Variants in SAMD4A observed in about 807,000 individuals in gnomAD.
SAMD4A encodes the protein sterile alpha motif domain containing 4A.
A neutral mutation model predicts 81.3 loss-of-function variants in SAMD4A; 33 were observed. That is an observed-to-expected ratio of 0.41 (90% CI 0.31 to 0.54). The LOEUF is 0.54. Ranked by LOEUF, SAMD4A falls within the 20% of genes least tolerant of loss-of-function variation. The probability of loss-of-function intolerance (pLI) is 0.37; values close to 1 mark genes in which losing one functional copy is unlikely to be tolerated. For synonymous variants in SAMD4A, 389 were observed against 382.1 expected, an observed-to-expected ratio of 1.02 and a Z score of -0.21; for missense variants, 854 against 951.1, an observed-to-expected ratio of 0.90 and a Z score of 1.34.
chr14:54,608,659 T>C (rs913639016), intron 2 of SAMD4A, among the ~76,000 whole-genome samples: 1 of 152,228 alleles, frequency 6.6e-6, no homozygotes, highest in Non-Finnish European at 1.5e-5. Context: ...GCCAAATTCT[T>C]TGAGCAATGG....
intron 4 of SAMD4A, among the ~76,000 whole-genome samples, chr14:54,747,983 T>C (rs1403526489): frequency 6.6e-6 from 1 of 152,264 alleles, no homozygotes; most frequent in Non-Finnish European, 1.5e-5. Flanking sequence ...CCTTTACTTT[T>C]CTTAACTTTA....
intron 2 of SAMD4A, 96 bp downstream of exon 2, chr14:54,568,208 C>A: frequency 8.5e-7 from 1 of 1,180,542 alleles, no homozygotes; most frequent in Non-Finnish European, 1.1e-6. Context: ...CCAGTCCCTG[C>A]CAGCCGCGCC....
chr14:54,765,760 T>C (rs2038521924), intron 8 of SAMD4A, among the ~76,000 whole-genome samples: 1 of 152,130 alleles, frequency 6.6e-6, no homozygotes, highest in Non-Finnish European at 1.5e-5. Context: ...TCCACTTCCC[T>C]CTCATGTTCT....
intron 3 of SAMD4A, among the ~76,000 whole-genome samples, chr14:54,722,180 G>A (rs148321043): frequency 1.4e-3 from 216 of 152,246 alleles, no homozygotes; most frequent in African/African-American, 5.0e-3. Flanking sequence ...ATCAATGGTG[G>A]CAGTCCCTCT....
chr14:54,585,270 C>T (rs992061975), intron 2 of SAMD4A, among the ~76,000 whole-genome samples: 1 of 152,208 alleles, frequency 6.6e-6, no homozygotes, highest in Non-Finnish European at 1.5e-5. Context: ...CAAACCCTTA[C>T]ACTTGGACAT....
chr14:54,742,643 A>G (rs886381092), intron 4 of SAMD4A, among the ~76,000 whole-genome samples: 1 of 152,142 alleles, frequency 6.6e-6, no homozygotes, highest in African/African-American at 2.4e-5. Context: ...AGGGGTAGAG[A>G]TTGGCACTCT....
chr14:54,605,850 A>C (rs1252591469), intron 2 of SAMD4A, among the ~76,000 whole-genome samples: 9 of 152,058 alleles, frequency 5.9e-5, no homozygotes, highest in Non-Finnish European at 1.2e-4. Context: ...TGACTTAAAA[A>C]ATTATTTTAC....
rs759198146 is a variant in SAMD4A at position 54,789,103 on chromosome 14, C to T, written c.*159C>T. ...TGATTTTGTGAGAGCGTAGGTCATC[C>T]TCGTAAACATATCAGTAGACCTGGG... On this transcript the variant is annotated 3_prime_UTR_variant, in exon 13 of 13. Coordinates refer to ENST00000554335, the MANE Select transcript of SAMD4A (RefSeq NM_015589.6). 2.1e-5 allele frequency: 16 copies of T among 747,030 alleles called. No homozygotes were observed. Among genetic ancestry groups the T allele is most frequent in the African/African-American group, 3.5e-5 (2 of 57,550 alleles). 46.3% of individuals were successfully genotyped at this position (747,030 alleles called of 1,614,324 possible).
chr14:54,776,015 TAAAAAAAAA>T (rs10539223), intron 10 of SAMD4A, among the ~76,000 whole-genome samples: 28 of 89,840 alleles, frequency 3.1e-4, no homozygotes, highest in African/African-American at 9.7e-4. Flanking sequence ...GTAAGAATCT[TAAAAAAAAA>T]AAAAAAAAAA....
chr14:54,620,415 A>G (rs1354419352), intron 2 of SAMD4A, among the ~76,000 whole-genome samples: 1 of 152,188 alleles, frequency 6.6e-6, no homozygotes, highest in Non-Finnish European at 1.5e-5. Context: ...TCCCCACAGC[A>G]ATGCTGGTAA....
At chr14:54,658,643 A>G (rs1035062288) in intron 2 of SAMD4A, among the ~76,000 whole-genome samples, 12 of 152,262 alleles carry the variant, frequency 7.9e-5, no homozygotes, top group African/African-American at 2.9e-4. Flanking sequence ...AGCCACTGTC[A>G]TTGACTTCTC....
chr14:54,732,608 A>G (rs1157663438), intron 3 of SAMD4A, among the ~76,000 whole-genome samples: 9 of 152,174 alleles, frequency 5.9e-5, no homozygotes, highest in African/African-American at 1.4e-4. Context: ...TAAAGATAGC[A>G]GAGAAATACG....
intron 2 of SAMD4A, chr14:54,681,884 A>T (rs561950412): frequency 6.1e-6 from 6 of 985,328 alleles, no homozygotes; most frequent in Non-Finnish European, 7.2e-6. Flanking sequence ...GTGACAGACC[A>T]CTGCTCTGGA....
chr14:54,734,441 A>C (rs1266589448), intron 3 of SAMD4A, among the ~76,000 whole-genome samples: 1 of 152,214 alleles, frequency 6.6e-6, no homozygotes, highest in African/African-American at 2.4e-5. Context: ...CTTTATAGAA[A>C]GTCATCAGGA....
chr14:54,779,543 C>A (rs1277728556), intron 11 of SAMD4A, among the ~76,000 whole-genome samples: 4 of 152,200 alleles, frequency 2.6e-5, no homozygotes, highest in African/African-American at 9.7e-5. Flanking sequence ...CTAGAACCCA[C>A]CAAGTTGCGG....
intron 7 of SAMD4A, among the ~76,000 whole-genome samples, chr14:54,763,737 A>G (rs1306393577): frequency 6.6e-6 from 1 of 152,146 alleles, no homozygotes; most frequent in Non-Finnish European, 1.5e-5. Context: ...CATGACTAAG[A>G]AAGTCGGGGA....
chr14:54,697,988 G>A (rs574709321), intron 2 of SAMD4A, among the ~76,000 whole-genome samples: 1 of 152,268 alleles, frequency 6.6e-6, no homozygotes, highest in South Asian at 2.1e-4. Context: ...AGACAGCAAG[G>A]GGAGGCCATA....
intron 3 of SAMD4A, 111 bp downstream of exon 3, chr14:54,702,691 G>T: frequency 7.7e-7 from 1 of 1,295,800 alleles, no homozygotes; most frequent in East Asian, 2.3e-5. Flanking sequence ...TGGGAGAGAA[G>T]GACTGATTGG....
chr14:54,591,527 G>GTTTTT (rs55702356), intron 2 of SAMD4A, among the ~76,000 whole-genome samples: 2 of 147,120 alleles, frequency 1.4e-5, no homozygotes. Context: ...CCTGTATTTT[G>GTTTTT]TTTTTTTTTT....
Sources: allele counts gnomAD v4.1 joint callset (sites outside exome capture counted in the v4.1 genomes callset), GRCh38; gene constraint gnomAD v4.1.1; transcripts MANE v1.5; gene names NCBI Gene and HGNC (gene_info 2026-07-23, HGNC 2026-07-21).